SMC2: variants seen among roughly 807,000 people sequenced by gnomAD.
The protein encoded by SMC2 is structural maintenance of chromosomes 2.
In SMC2, 41 loss-of-function variants were observed where a neutral mutation model predicts 142.6. The ratio of observed to expected loss-of-function variants is 0.29; its 90% CI spans 0.22 to 0.37. SMC2 has a LOEUF of 0.37. SMC2 is among the 10% of genes least tolerant of loss of function. The pLI, the probability that SMC2 is intolerant of heterozygous loss-of-function variation, is 1.00. For synonymous variants in SMC2, 463 were observed against 457.5 expected, an observed-to-expected ratio of 1.01 and a Z score of -0.15; for missense variants, 1,265 against 1,373.7, an observed-to-expected ratio of 0.92 and a Z score of 1.25.
In SMC2 at chr9:104,138,008, C is replaced by G; in HGVS notation, c.3270-10C>G. The G allele has an allele frequency of 6.5e-7, 1 of 1,540,172 alleles. No individual in the cohort carries two copies. Among genetic ancestry groups the G allele is most frequent in the Non-Finnish European group, 8.8e-7 (1 of 1,138,068 alleles). Reference sequence around the variant, plus strand: ...AAATTTTTATGGCTTTTCTTCTGACCTTTTCTTAGGTCTTTAGTGGCCTTG... The same window carrying G: ...AAATTTTTATGGCTTTTCTTCTGACGTTTTCTTAGGTCTTTAGTGGCCTTG... On this transcript the variant is annotated splice_polypyrimidine_tract_variant and intron_variant, in intron 23 of 24. Transcript: ENST00000374793.
chr9:104,130,387 C>A (rs1291376744), intron 21 of SMC2, among the ~76,000 whole-genome samples: 1 of 152,032 alleles, frequency 6.6e-6, no homozygotes, highest in African/African-American at 2.4e-5. Context: ...ACTAGAAAAA[C>A]CCAGTGGGGG....
At chr9:104,118,066 GTAT>G (rs1476138153) in intron 14 of SMC2, 102 bp from the exon 15 acceptor site, 2 of 797,556 alleles carry the variant, frequency 2.5e-6, no homozygotes, top group African/African-American at 3.5e-5. Flanking sequence ...TGCTAGGTAA[GTAT>G]TATTTAAGTT....
chr9:104,090,837 G>A (rs921015187), upstream of SMC2, among the ~76,000 whole-genome samples: 2 of 151,368 alleles, frequency 1.3e-5, no homozygotes, highest in African/African-American at 4.9e-5. Context: ...AAAAATAACA[G>A]AACTAACAGA....
At chr9:104,100,873 G>A (rs1253246337) in intron 7 of SMC2, among the ~76,000 whole-genome samples, 1 of 152,192 alleles carries the variant, frequency 6.6e-6, no homozygotes, top group African/African-American at 2.4e-5. Flanking sequence ...GATTGTCTCT[G>A]TAATCTTTGC....
chr9:104,136,616 T>C (rs1835557055), intron 23 of SMC2, among the ~76,000 whole-genome samples: 1 of 152,080 alleles, frequency 6.6e-6, no homozygotes, highest in Admixed American at 6.6e-5. Flanking sequence ...GATTAAGTTT[T>C]AAAACTCAAT....
At chr9:104,136,442 G>A (rs539835920) in intron 23 of SMC2, among the ~76,000 whole-genome samples, 5 of 152,086 alleles carry the variant, frequency 3.3e-5, no homozygotes, top group South Asian at 2.1e-4. Context: ...TATATTTGCC[G>A]AAGCCCTAGA....
intron 15 of SMC2, among the ~76,000 whole-genome samples, chr9:104,119,739 G>C (rs549060019): frequency 4.6e-5 from 7 of 152,094 alleles, no homozygotes; most frequent in Admixed American, 4.6e-4. Flanking sequence ...CATTTCATTG[G>C]CCAGAGCAAA....
intron 23 of SMC2, among the ~76,000 whole-genome samples, chr9:104,135,527 A>G (rs1453454602): frequency 7.9e-5 from 12 of 152,174 alleles, no homozygotes; most frequent in Admixed American, 7.9e-4. Context: ...TGAAGAAATC[A>G]TGGCACCATG....
chr9:104,115,904 A>T (rs1041023011), intron 13 of SMC2, among the ~76,000 whole-genome samples: 12 of 151,176 alleles, frequency 7.9e-5, no homozygotes, highest in Non-Finnish European at 1.3e-4. Context: ...TACTCTTTTT[A>T]TTTGTTCAGC....
intron 23 of SMC2, chr9:104,135,764 A>T: frequency 6.0e-6 from 3 of 500,472 alleles, no homozygotes; most frequent in Non-Finnish European, 1.2e-5. Context: ...TATGTAAGCC[A>T]GAAGTCTGGA....
Position 104,100,446 on chromosome 9 carries a change from T to A in SMC2, c.636+13T>A. The stretch of plus-strand genomic sequence containing the variant: ...AAAATTAAAAGAGGTATATTCTGTA[T>A]ATGTGAGGATAATCTATTAGAATGT... On this transcript the variant is annotated intron_variant, in intron 7 of 24. Coordinates refer to ENST00000374793, the MANE Select transcript of SMC2 (RefSeq NM_006444.3). 7.0e-7 allele frequency: 1 copy of A among 1,425,178 alleles called. No homozygotes were observed. The highest frequency in any genetic ancestry group is 9.8e-7 in the Non-Finnish European group (1 of 1,017,956). 88.3% of individuals were successfully genotyped at this position (1,425,178 alleles called of 1,614,324 possible).
At chr9:104,117,987 C>T (rs1382313741) in intron 14 of SMC2, among the ~76,000 whole-genome samples, 184 bp from the exon 15 acceptor site, 2 of 152,030 alleles carry the variant, frequency 1.3e-5, no homozygotes, top group Non-Finnish European at 2.9e-5. Flanking sequence ...AGTATTTAAA[C>T]CTGCAGTTTT....
Position 104,113,450 on chromosome 9 carries a change from T to C in SMC2, c.1389T>C (p.Ala463=), listed in dbSNP as rs1488659270. 3.8e-6 allele frequency: 6 copies of C among 1,599,790 alleles called. No homozygotes were observed. The African/African-American group carries it at 8.1e-5, about 22-fold the overall frequency. The change falls in exon 11 of 25, where the codon GCT becomes GCC. Residue 463 remains alanine, a synonymous_variant. Transcript: ENST00000374793. ...AAAGACTTAAAGAAAAACTTGAAGC[T>C]GAAATGAAAAAGCTAAATTATGAAG... The part of the protein sequence containing the change: ...AVKRLKEKLE[A]EMKKLNYEEN...
At chr9:104,108,024 A>G (rs1270774959) in intron 9 of SMC2, among the ~76,000 whole-genome samples, 1 of 152,142 alleles carries the variant, frequency 6.6e-6, no homozygotes, top group Non-Finnish European at 1.5e-5. Flanking sequence ...GATGTTCTGC[A>G]CCACAAGCAA....
intron 23 of SMC2, among the ~76,000 whole-genome samples, chr9:104,136,686 GT>G (rs141715980): frequency 0.057 from 8,484 of 149,830 alleles, 639 homozygotes; most frequent in African/African-American, 0.18. Context: ...GGCTGAATGA[GT>G]TTAGCTCCCT....
rs59646608 is a variant in SMC2, at chr9:104,097,508, G to GAAAAA, written c.319-924_319-920dup. On this transcript the variant is annotated intron_variant, in intron 3 of 24. Coordinates refer to ENST00000374793, the MANE Select transcript of SMC2 (RefSeq NM_006444.3). ...TCTATTTTAATGGAAGCCTCTGGTT[G>GAAAAA]AAAAAAAAAAAAAAAAAAGAAGCGT... 4.8e-3 allele frequency among the ~76,000 whole-genome samples: 590 copies of GAAAAA among 121,848 alleles called. 4 individuals are homozygous for GAAAAA. The highest frequency in any genetic ancestry group is 0.017 in the African/African-American group (566 of 33,052). The allele number at this position is 121,848 out of a possible 152,430, so 79.9% of individuals were successfully genotyped here. A position where few individuals can be genotyped will look rare whatever the true frequency, so the allele number is the denominator to read the frequency against.
chr9:104,107,134 A>T (rs1214819755), intron 9 of SMC2, among the ~76,000 whole-genome samples: 2 of 151,988 alleles, frequency 1.3e-5, no homozygotes, highest in Non-Finnish European at 2.9e-5. Context: ...CAAATGTACC[A>T]TTTCTGTTTG....
At chr9:104,131,829 A>G (rs917152177) in intron 21 of SMC2, among the ~76,000 whole-genome samples, 180 bp from the exon 22 acceptor site, 2 of 152,058 alleles carry the variant, frequency 1.3e-5, no homozygotes, top group Admixed American at 6.6e-5. Context: ...ATACACACAC[A>G]TCATACAGTA....
chr9:104,100,793 A>C (rs1373197587), intron 7 of SMC2, among the ~76,000 whole-genome samples: 1 of 152,220 alleles, frequency 6.6e-6, no homozygotes, highest in African/African-American at 2.4e-5. Flanking sequence ...TTCCAGGATA[A>C]CAGGGGCTAT....
Sources: allele counts gnomAD v4.1 joint callset (sites outside exome capture counted in the v4.1 genomes callset), GRCh38; gene constraint gnomAD v4.1.1; transcripts MANE v1.5; gene names NCBI Gene and HGNC (gene_info 2026-07-23, HGNC 2026-07-21).